PLPPR1: variants seen among roughly 807,000 people sequenced by gnomAD.
The protein encoded by PLPPR1 is phospholipid phosphatase-related protein type 1.
PLPPR1 carries 10 observed loss-of-function variants against 33.1 expected under a neutral mutation model. The ratio of observed to expected loss-of-function variants is 0.30; its 90% confidence interval spans 0.19 to 0.51. The LOEUF (loss-of-function observed/expected upper bound fraction) is 0.51, where lower values mean the gene tolerates loss of function less well. Ranked by LOEUF, PLPPR1 falls within the 20% of genes least tolerant of loss-of-function variation. PLPPR1 has a pLI of 0.97. For synonymous variants in PLPPR1, 151 were observed against 151.0 expected (o/e 1.00, Z 0.00); for missense variants, 304 against 408.1 (o/e 0.74, Z 2.20).
intron 7 of PLPPR1, among the ~76,000 whole-genome samples, chr9:101,323,101 A>T (rs1191824161): frequency 6.6e-6 from 1 of 152,240 alleles, no homozygotes; most frequent in African/African-American, 2.4e-5. Context: ...TATTTAAAAC[A>T]TTACATTAAA....
chr9:101,108,905 TA>T (rs377620189), intron 1 of PLPPR1, among the ~76,000 whole-genome samples: 157 of 152,084 alleles, frequency 1.0e-3, no homozygotes, highest in African/African-American at 3.5e-3. Context: ...TATTTACCAA[TA>T]TAGTAAAGAC....
intron 2 of PLPPR1, among the ~76,000 whole-genome samples, chr9:101,229,960 T>C (rs1338408696): frequency 6.6e-6 from 1 of 152,176 alleles, no homozygotes; most frequent in Non-Finnish European, 1.5e-5. Context: ...TTTATAAAGA[T>C]GTGGGTATTT....
intron 1 of PLPPR1, among the ~76,000 whole-genome samples, chr9:101,117,344 T>A (rs556427490): frequency 6.6e-6 from 1 of 152,030 alleles, no homozygotes; most frequent in South Asian, 2.1e-4. Flanking sequence ...GACCTCTAGT[T>A]GTCCTCACTT....
intron 2 of PLPPR1, among the ~76,000 whole-genome samples, chr9:101,252,030 T>C (rs1430926374): frequency 6.6e-6 from 1 of 152,184 alleles, no homozygotes; most frequent in Non-Finnish European, 1.5e-5. Flanking sequence ...TACATATTTA[T>C]ATATTACAAT....
At chr9:101,271,333 A>G (rs1271131203) in intron 3 of PLPPR1, among the ~76,000 whole-genome samples, 1 of 152,218 alleles carries the variant, frequency 6.6e-6, no homozygotes, top group African/African-American at 2.4e-5. Flanking sequence ...GACTTAGCGC[A>G]GTGCCTGGCA....
chr9:101,246,099 T>C lies in PLPPR1; in HGVS notation c.64-23781T>C, dbSNP rs533978. 4.9e-4 allele frequency among the ~76,000 whole-genome samples: 54 copies of C among 110,224 alleles called. 2 individuals carry two copies. Among genetic ancestry groups the C allele is most frequent in the Non-Finnish European group, 1.0e-3 (51 of 50,490 alleles). 72.3% of individuals were successfully genotyped at this position (110,224 alleles called of 152,430 possible). A position where few individuals can be genotyped will look rare whatever the true frequency, so the allele number is the denominator to read the frequency against. On this transcript the variant is annotated intron_variant, in intron 2 of 7. Transcript: ENST00000374874. ...ATATATATATATATATATATATATA[T>C]ATATATATATAGATAGATAGATAGA... is the stretch of plus-strand genomic sequence containing the variant.
chr9:101,196,542 A>G (rs557638716), intron 2 of PLPPR1, among the ~76,000 whole-genome samples: 1 of 152,212 alleles, frequency 6.6e-6, no homozygotes, highest in Non-Finnish European at 1.5e-5. Context: ...CCCTTTATAT[A>G]GTGGACCACT....
chr9:101,112,262 T>A (rs1374814342), intron 1 of PLPPR1, among the ~76,000 whole-genome samples: 2 of 152,198 alleles, frequency 1.3e-5, no homozygotes, highest in Non-Finnish European at 2.9e-5. Flanking sequence ...CACATACATA[T>A]ATGTATTTAT....
intron 2 of PLPPR1, among the ~76,000 whole-genome samples, chr9:101,267,028 A>G (rs978290507): frequency 1.3e-5 from 2 of 152,186 alleles, no homozygotes; most frequent in Non-Finnish European, 1.5e-5. Flanking sequence ...TGATGAAGCC[A>G]AGAGAGACAA....
At chr9:101,093,124 GGA>G (rs1202452263) in intron 1 of PLPPR1, among the ~76,000 whole-genome samples, 1 of 152,198 alleles carries the variant, frequency 6.6e-6, no homozygotes, top group Non-Finnish European at 1.5e-5. Flanking sequence ...AAGGAAGGAA[GGA>G]GAGAGGCAAG....
In PLPPR1 at chr9:101,324,119, C is replaced by T; in HGVS notation, c.*62C>T. ...TCTTCCAATTCTATACTTCAAAACA[C>T]ACAGTTGCTCAATGTCAAACTGTGA... On this transcript the variant is annotated 3_prime_UTR_variant, in exon 8 of 8. Coordinates refer to ENST00000374874, the MANE Select transcript of PLPPR1 (RefSeq NM_207299.2). The T allele has an allele frequency of 7.5e-7, 1 of 1,337,144 alleles. No individual in the cohort carries two copies. The highest frequency in any genetic ancestry group is 1.1e-6 in the Non-Finnish European group (1 of 935,064). The allele number at this position is 1,337,144 out of a possible 1,614,324, so 82.8% of individuals were successfully genotyped here. A position where few individuals can be genotyped will look rare whatever the true frequency, so the allele number is the denominator to read the frequency against.
At chr9:101,185,290 T>G (rs1826185975) in intron 1 of PLPPR1, 160 bp from the exon 2 acceptor site, 2 of 452,402 alleles carry the variant, frequency 4.4e-6, no homozygotes, top group South Asian at 1.1e-4. Context: ...ATTGGAATGA[T>G]TATTAGTCTG....
chr9:101,101,709 C>A (rs1263940118), intron 1 of PLPPR1, among the ~76,000 whole-genome samples: 2 of 152,030 alleles, frequency 1.3e-5, no homozygotes, highest in African/African-American at 4.8e-5. Flanking sequence ...AACCCTTGAA[C>A]AAAACTATTA....
chr9:101,043,701 T>C (rs1830110976), intron 1 of PLPPR1, among the ~76,000 whole-genome samples: 1 of 152,134 alleles, frequency 6.6e-6, no homozygotes, highest in South Asian at 2.1e-4. Context: ...CTACTTTTAG[T>C]TCTTTAAGGA....
At chr9:101,095,646 G>A (rs765295216) in intron 1 of PLPPR1, among the ~76,000 whole-genome samples, 1 of 152,114 alleles carries the variant, frequency 6.6e-6, no homozygotes, top group Non-Finnish European at 1.5e-5. Flanking sequence ...ATACGATGAA[G>A]AAACCATGTT....
intron 1 of PLPPR1, among the ~76,000 whole-genome samples, chr9:101,157,206 G>T (rs1031270994): frequency 6.6e-6 from 1 of 152,178 alleles, no homozygotes; most frequent in East Asian, 1.9e-4. Flanking sequence ...AATGAAGATG[G>T]AAAGGAGAGA....
intron 2 of PLPPR1, among the ~76,000 whole-genome samples, chr9:101,195,250 A>G (rs1826375099): frequency 6.6e-6 from 1 of 152,184 alleles, no homozygotes; most frequent in Non-Finnish European, 1.5e-5. Context: ...AAATGTGGCC[A>G]TGCCCCACTT....
chr9:101,296,641 T>G (rs1317813540), intron 4 of PLPPR1, among the ~76,000 whole-genome samples: 4 of 152,202 alleles, frequency 2.6e-5, no homozygotes, highest in Admixed American at 2.6e-4. Context: ...TTCATGTCCT[T>G]TGTAGGGACA....
At chr9:101,300,883 C>T (rs1047481416) in intron 4 of PLPPR1, among the ~76,000 whole-genome samples, 15 of 152,132 alleles carry the variant, frequency 9.9e-5, no homozygotes, top group Admixed American at 7.2e-4. Flanking sequence ...TGGCATTATA[C>T]CGCCTAGAGG....
Sources: gnomAD v4.1 joint callset for allele counts (sites outside exome capture counted in the v4.1 genomes callset) on GRCh38, gnomAD v4.1.1 for gene constraint, MANE v1.5 for transcripts, NCBI Gene and HGNC (gene_info 2026-07-23, HGNC 2026-07-21) for gene names.